The following NEGR1 variants were observed in gnomAD, a reference collection of about 807,000 sequenced individuals.
NEGR1 encodes IgLON family member 4.
Under a neutral mutation model 40.9 loss-of-function variants are expected in NEGR1, and 10 were observed. The ratio of observed to expected loss-of-function variants is 0.24; its 90% CI spans 0.15 to 0.42. The LOEUF (loss-of-function observed/expected upper bound fraction) is 0.42, where lower values mean the gene tolerates loss of function less well. Among genes scored for constraint, NEGR1 ranks in the 10% least tolerant of loss-of-function variants. NEGR1 has a pLI of 1.00. For synonymous variants in NEGR1, 185 were observed against 166.8 expected (o/e 1.11, Z -0.84); for missense variants, 352 against 438.9 (o/e 0.80, Z 1.77).
At chr1:72,088,172 A>C (rs960818661) in intron 1 of NEGR1, among the ~76,000 whole-genome samples, 3 of 152,194 alleles carry the variant, frequency 2.0e-5, no homozygotes, top group African/African-American at 7.2e-5. Context: ...TAATCATCAT[A>C]GATGAAATCA....
intron 4 of NEGR1, among the ~76,000 whole-genome samples, chr1:71,695,703 G>A (rs1331556669): frequency 6.6e-6 from 1 of 151,656 alleles, no homozygotes; most frequent in Non-Finnish European, 1.5e-5. Flanking sequence ...ATTCTGCATG[G>A]GTCTTTCACA....
chr1:72,103,644 C>T (rs191058464), intron 1 of NEGR1, among the ~76,000 whole-genome samples: 63 of 152,182 alleles, frequency 4.1e-4, no homozygotes, highest in Middle Eastern at 3.4e-3. Context: ...TGGACTCAGA[C>T]CTGTTTCAGG....
At chr1:71,855,990 C>T (rs572584123) in intron 2 of NEGR1, among the ~76,000 whole-genome samples, 1 of 152,122 alleles carries the variant, frequency 6.6e-6, no homozygotes, top group African/African-American at 2.4e-5. Context: ...TGCCTTCTTA[C>T]AGTTATGTGT....
chr1:71,990,640 G>T (rs1646440879), intron 1 of NEGR1, among the ~76,000 whole-genome samples: 1 of 151,938 alleles, frequency 6.6e-6, no homozygotes, highest in Non-Finnish European at 1.5e-5. Flanking sequence ...GATAATTGAG[G>T]GAAGTTATAA....
chr1:71,614,401 GT>G (rs1431123614), intron 4 of NEGR1, among the ~76,000 whole-genome samples: 14 of 151,920 alleles, frequency 9.2e-5, no homozygotes, highest in African/African-American at 3.4e-4. Flanking sequence ...TTTTAAAATT[GT>G]TTTGTTAAGC....
chr1:71,994,555 A>C (rs1396426454), intron 1 of NEGR1, among the ~76,000 whole-genome samples: 1 of 151,778 alleles, frequency 6.6e-6, no homozygotes, highest in African/African-American at 2.4e-5. Context: ...AACAAAAAAA[A>C]AAAACACTCA....
At chr1:71,894,721 T>C (rs775289981) in intron 2 of NEGR1, among the ~76,000 whole-genome samples, 23 of 152,178 alleles carry the variant, frequency 1.5e-4, no homozygotes, top group Non-Finnish European at 1.6e-4. Flanking sequence ...AAACTTGAAG[T>C]CTCTCAATAA....
intron 2 of NEGR1, among the ~76,000 whole-genome samples, chr1:71,916,796 C>A (rs1248312519): frequency 1.3e-5 from 2 of 152,078 alleles, no homozygotes; most frequent in Non-Finnish European, 2.9e-5. Flanking sequence ...AACCAGAGAT[C>A]TTTCAATTCC....
intron 1 of NEGR1, among the ~76,000 whole-genome samples, chr1:72,006,453 A>G (rs1346540430): frequency 1.3e-5 from 2 of 152,200 alleles, no homozygotes; most frequent in African/African-American, 4.8e-5. Context: ...TTCCTCTATA[A>G]GTGTCAGTGC....
At chr1:72,077,743 G>A (rs909091672) in intron 1 of NEGR1, among the ~76,000 whole-genome samples, 1 of 152,064 alleles carries the variant, frequency 6.6e-6, no homozygotes, top group African/African-American at 2.4e-5. Context: ...ATCCTGGGAG[G>A]TTGAGGCTGC....
intron 2 of NEGR1, among the ~76,000 whole-genome samples, chr1:71,898,800 T>TACATAC (rs1661043968): frequency 1.3e-5 from 2 of 148,750 alleles, no homozygotes; most frequent in African/African-American, 4.9e-5. Flanking sequence ...ACAGAGCAAG[T>TACATAC]ATATGTATAC....
At chr1:72,076,980 C>T (rs992188454) in intron 1 of NEGR1, among the ~76,000 whole-genome samples, 3 of 148,812 alleles carry the variant, frequency 2.0e-5, no homozygotes, top group East Asian at 4.0e-4. Context: ...CTGCAACCTC[C>T]GCCCCCTGGG....
chr1:72,013,119 A>G (rs1646674009), intron 1 of NEGR1, among the ~76,000 whole-genome samples: 1 of 151,920 alleles, frequency 6.6e-6, no homozygotes, highest in Admixed American at 6.6e-5. Flanking sequence ...AATTCTTTTT[A>G]GGGGTAATAA....
chr1:72,134,199 TAC>T (rs1339671009), intron 1 of NEGR1, among the ~76,000 whole-genome samples: 1 of 151,210 alleles, frequency 6.6e-6, no homozygotes, highest in East Asian at 1.9e-4. Flanking sequence ...TGGGGGGAAA[TAC>T]GTTTTTTTTT....
intron 1 of NEGR1, among the ~76,000 whole-genome samples, chr1:71,981,945 G>T (rs2100340372): frequency 6.6e-6 from 1 of 152,192 alleles, no homozygotes; most frequent in South Asian, 2.1e-4. Context: ...AAATCATATT[G>T]TTTAGCACTG....
intron 1 of NEGR1, among the ~76,000 whole-genome samples, chr1:71,937,778 A>C (rs11209872): frequency 0.22 from 33,392 of 152,096 alleles, 4,022 homozygotes; most frequent in Admixed American, 0.36. Context: ...CTGTCCTAGT[A>C]TAAAGGAAGC....
At chr1:71,492,262 T>TA (rs1463589657) in intron 6 of NEGR1, among the ~76,000 whole-genome samples, 17 of 152,126 alleles carry the variant, frequency 1.1e-4, no homozygotes, top group Admixed American at 7.2e-4. Flanking sequence ...AGTAGAGACT[T>TA]ACGGGAGTGA....
At chr1:71,433,207 A>C (rs1646480844) in intron 6 of NEGR1, among the ~76,000 whole-genome samples, 1 of 152,190 alleles carries the variant, frequency 6.6e-6, no homozygotes, top group Non-Finnish European at 1.5e-5. Context: ...GGAAGAAATA[A>C]ATTTCTCTTA....
intron 2 of NEGR1, among the ~76,000 whole-genome samples, chr1:71,928,237 T>C (rs1166348459): frequency 2.8e-5 from 4 of 141,498 alleles, no homozygotes; most frequent in African/African-American, 7.8e-5. Flanking sequence ...TACGTATATA[T>C]GTATATATAC....
Sources: allele counts gnomAD v4.1 joint callset (sites outside exome capture counted in the v4.1 genomes callset), GRCh38; gene constraint gnomAD v4.1.1; transcripts MANE v1.5; gene names NCBI Gene and HGNC (gene_info 2026-07-23, HGNC 2026-07-21).